POLR1C: variants seen among roughly 807,000 people sequenced by gnomAD.
POLR1C encodes RNA polymerase I and III subunit C, also known as DNA-directed RNA polymerases I and III subunit RPAC1.
Under a neutral mutation model 38.3 loss-of-function variants are expected in POLR1C, and 42 were observed. The ratio of observed to expected loss-of-function variants is 1.10; its 90% CI spans 0.86 to 1.42. The LOEUF is 1.42. POLR1C is among the 40% of genes most tolerant of loss of function. The pLI is 0.00. For synonymous variants in POLR1C, 163 were observed against 163.9 expected, an observed-to-expected ratio of 0.99 and a Z score of 0.04; for missense variants, 507 against 450.5, an observed-to-expected ratio of 1.13 and a Z score of -1.14.
At chr6:43,525,955 C>T (rs774246102), downstream of POLR1C, 1 of 1,609,282 alleles carries the variant, frequency 6.2e-7, no homozygotes, top group South Asian at 1.1e-5. Context: ...AAGCTCCATC[C>T]TTTCAGAACA....
At chr6:43,548,562 G>A (rs1026111375) in intron 9 of POLR1C, 2 of 1,081,734 alleles carry the variant, frequency 1.8e-6, no homozygotes, top group African/African-American at 3.2e-5. Flanking sequence ...GCAGTCCCAG[G>A]AAAGTCAGGC....
downstream of POLR1C, chr6:43,525,349 G>A (rs1793510472): frequency 1.2e-6 from 1 of 831,556 alleles, no homozygotes; most frequent in South Asian, 1.8e-5. Context: ...TGTTGCCCAG[G>A]CTGGTCCTGA....
intron 9 of POLR1C, among the ~76,000 whole-genome samples, chr6:43,545,331 G>C (rs947059153): frequency 2.6e-5 from 4 of 152,122 alleles, no homozygotes; most frequent in Non-Finnish European, 4.4e-5. Flanking sequence ...GAATAATTTG[G>C]TTTGCCCCGT....
downstream of POLR1C, chr6:43,525,244 G>T: frequency 6.5e-7 from 1 of 1,546,628 alleles, no homozygotes; most frequent in South Asian, 1.2e-5. Context: ...GAGTTACAAT[G>T]GAAAAAGAAG....
chr6:43,542,971 T>C (rs1794778971), intron 9 of POLR1C, among the ~76,000 whole-genome samples: 1 of 152,078 alleles, frequency 6.6e-6, no homozygotes, highest in Admixed American at 6.6e-5. Context: ...CAAAGGTCCA[T>C]CAAGGCTGAA....
In POLR1C at chr6:43,519,423, C is replaced by T. The variant is rs1793021342; in HGVS notation, c.232C>T (p.Arg78Ter). Residue 78 changes from arginine to a stop codon, truncating the protein, a stop_gained, in exon 3 of 9, where the codon CGA (arginine) becomes TGA (stop). Transcript: ENST00000642195. LOFTEE classifies it high-confidence loss of function. ...CGCAGCCATTGCCAATGCTTTTCGA[C>T]GAATTCTGCTAGCTGAGGTATTGGC... ...IDAAIANAFRRILLAEVPTMA... is the reference protein window; with the variant it reads ...IDAAIANAFR 6.2e-6 allele frequency: 10 copies of T among 1,612,572 alleles called. No homozygotes were observed. Among genetic ancestry groups the T allele is most frequent in the South Asian group, 1.1e-5 (1 of 91,042 alleles).
intron 8 of POLR1C, chr6:43,526,576 A>G (rs1472183645): frequency 2.9e-5 from 36 of 1,231,800 alleles, no homozygotes; most frequent in Non-Finnish European, 4.2e-5. Context: ...TGATAACTAC[A>G]TGTAGGGTGT....
In POLR1C at chr6:43,529,153, C is replaced by T. The variant is rs764384609; in HGVS notation, c.923-96C>T. 6.5e-6 allele frequency: 9 copies of T among 1,385,316 alleles called. No individual in the cohort carries two copies. In the Admixed American group the frequency reaches 7.1e-5, roughly 11 times the overall value. The allele number at this position is 1,385,316 out of a possible 1,614,324, so 85.8% of individuals were successfully genotyped here. On this transcript the variant is annotated intron_variant, in intron 8 of 8. Transcript: ENST00000304004. ...TTAGCTGCATTTCCGTCAGGCTGCA[C>T]ATTATGGTCACTGGCCCAAAAAGTA... is the stretch of plus-strand genomic sequence containing the variant.
chr6:43,543,926 C>A (rs976206636), intron 9 of POLR1C, among the ~76,000 whole-genome samples: 3 of 152,180 alleles, frequency 2.0e-5, no homozygotes, highest in Non-Finnish European at 4.4e-5. Context: ...ATCCATGCGC[C>A]TTGGCCTCTC....
intron 3 of POLR1C, 45 bp downstream of exon 3, chr6:43,519,485 G>T (rs759960522): frequency 2.1e-6 from 3 of 1,408,938 alleles, no homozygotes; most frequent in Non-Finnish European, 3.0e-6. Context: ...TTTGGGAACT[G>T]CACTGACACC....
intron 9 of POLR1C, among the ~76,000 whole-genome samples, chr6:43,536,988 A>G (rs1794374893): frequency 6.6e-6 from 1 of 151,956 alleles, no homozygotes; most frequent in Non-Finnish European, 1.5e-5. Flanking sequence ...TTTTAAAGAG[A>G]CAGGGTCTCA....
At chr6:43,529,013 C>A in intron 8 of POLR1C, 1 of 1,287,608 alleles carries the variant, frequency 7.8e-7, no homozygotes, top group Non-Finnish European at 1.1e-6. Flanking sequence ...CAGAATCAAT[C>A]CCTAAAGGAT....
At chr6:43,552,195 T>C (rs1480212795) in intron 10 of POLR1C, among the ~76,000 whole-genome samples, 1 of 152,038 alleles carries the variant, frequency 6.6e-6, no homozygotes, top group African/African-American at 2.4e-5. Flanking sequence ...GTAGCTGGGA[T>C]TACAGGCACC....
chr6:43,551,519 C>T, intron 10 of POLR1C: 2 of 1,576,686 alleles, frequency 1.3e-6, no homozygotes, highest in Admixed American at 1.8e-5. Flanking sequence ...ATTTTGGCTA[C>T]ATTTTATTTT....
At chr6:43,519,192 A>G in intron 2 of POLR1C, 141 bp from the exon 3 acceptor site, 1 of 700,412 alleles carries the variant, frequency 1.4e-6, no homozygotes, top group East Asian at 2.7e-5. Flanking sequence ...GGCGAGATAG[A>G]ATATTTAATA....
chr6:43,520,673 TCCTG>T lies in POLR1C; in HGVS notation c.707_710del (p.Leu236GlnfsTer17). 1 of 1,614,112 alleles carries T rather than the reference TCCTG, an allele frequency of 6.2e-7. No homozygotes were observed. The highest frequency in any genetic ancestry group is 8.5e-7 in the Non-Finnish European group (1 of 1,179,988). ...CCAGTGGCAACAGCCAGTTACAGGC[TCCTG>T]CCAGACATCACCCTGCTTGAGCCCG... On this transcript the variant is annotated frameshift_variant, in exon 7 of 9. Coordinates refer to ENST00000642195, the MANE Select transcript of POLR1C (RefSeq NM_203290.4). LOFTEE classifies it high-confidence loss of function.
In POLR1C at chr6:43,526,629, G is replaced by C. The variant is rs1419274144; in HGVS notation, c.923-2620G>C. On this transcript the variant is annotated intron_variant, in intron 8 of 8. Coordinates refer to the POLR1C transcript ENST00000304004. ...GCAAGGAAACTGACCTGGTTCAGAA[G>C]GAACAGTATTTAGGAGGCTAAGAGC... The C allele has an allele frequency of 5.6e-6, 9 of 1,597,138 alleles. No individual in the cohort carries two copies. In the South Asian group the frequency reaches 8.9e-5, roughly 16 times the overall value.
chr6:43,556,970 A>G (rs1296388766), intron 10 of POLR1C, among the ~76,000 whole-genome samples: 2 of 152,112 alleles, frequency 1.3e-5, no homozygotes, highest in Non-Finnish European at 2.9e-5. Context: ...TCTACTAAAA[A>G]TAAAACAATT....
chr6:43,552,104 G>T (rs1389990262), intron 10 of POLR1C, among the ~76,000 whole-genome samples: 3 of 152,024 alleles, frequency 2.0e-5, no homozygotes, highest in Admixed American at 6.6e-5. Context: ...ACTCTTGGTT[G>T]CCCAGTGCAA....
Sources: allele counts gnomAD v4.1 joint callset (sites outside exome capture counted in the v4.1 genomes callset), GRCh38; gene constraint gnomAD v4.1.1; transcripts MANE v1.5; gene names NCBI Gene and HGNC (gene_info 2026-07-23, HGNC 2026-07-21).